TSHZ2: variants seen among roughly 807,000 people sequenced by gnomAD.
TSHZ2 encodes the protein teashirt homolog 2.
A neutral mutation model predicts 74.4 loss-of-function variants in TSHZ2; 21 were observed. That is an observed-to-expected ratio of 0.28 (90% CI 0.20 to 0.41). The LOEUF (loss-of-function observed/expected upper bound fraction) is 0.41. Among genes scored for constraint, TSHZ2 ranks in the 10% least tolerant of loss-of-function variants. TSHZ2 has a pLI of 1.00. For synonymous variants in TSHZ2, 540 were observed against 515.3 expected (o/e 1.05, Z -0.65); for missense variants, 1,244 against 1,293.5 (o/e 0.96, Z 0.59).
At chr20:53,142,975 T>C (rs1987443837) in intron 1 of TSHZ2, among the ~76,000 whole-genome samples, 1 of 152,188 alleles carries the variant, frequency 6.6e-6, no homozygotes. Flanking sequence ...CAGATCGCAT[T>C]GAGTAACTTT....
chr20:53,190,128 TATATATA>T (rs1988700918), intron 1 of TSHZ2, among the ~76,000 whole-genome samples: 2 of 100,926 alleles, frequency 2.0e-5, no homozygotes, highest in African/African-American at 3.8e-5. Flanking sequence ...TATATATATA[TATATATA>T]TATTTTCTTA....
intron 2 of TSHZ2, among the ~76,000 whole-genome samples, chr20:53,284,543 G>A (rs1488696418): frequency 3.9e-5 from 6 of 152,192 alleles, no homozygotes; most frequent in Non-Finnish European, 7.4e-5. Flanking sequence ...GGGATAATAC[G>A]CATTAACATA....
intron 1 of TSHZ2, among the ~76,000 whole-genome samples, chr20:53,089,971 AG>A (rs1325045441): frequency 3.3e-5 from 5 of 152,258 alleles, no homozygotes; most frequent in Non-Finnish European, 5.9e-5. Context: ...CTGCAAGCTG[AG>A]GAGCAAAGAA....
At chr20:53,222,888 C>T (rs1989595814) in intron 1 of TSHZ2, among the ~76,000 whole-genome samples, 1 of 152,166 alleles carries the variant, frequency 6.6e-6, no homozygotes, top group Non-Finnish European at 1.5e-5. Flanking sequence ...GAAATGTATC[C>T]TTTTTTTAGT....
intron 1 of TSHZ2, among the ~76,000 whole-genome samples, chr20:53,106,852 C>T (rs1229637790): frequency 6.6e-6 from 1 of 151,922 alleles, no homozygotes; most frequent in Non-Finnish European, 1.5e-5. Flanking sequence ...CATGCACCAC[C>T]ACGCCCAGCT....
At chr20:53,123,640 T>C (rs899491354) in intron 1 of TSHZ2, among the ~76,000 whole-genome samples, 16 of 152,098 alleles carry the variant, frequency 1.1e-4, no homozygotes, top group African/African-American at 3.9e-4. Context: ...GTAGACAACA[T>C]GGCACAGTCA....
chr20:53,118,053 A>G (rs920151867), intron 1 of TSHZ2, among the ~76,000 whole-genome samples: 1 of 152,200 alleles, frequency 6.6e-6, no homozygotes, highest in African/African-American at 2.4e-5. Flanking sequence ...TTGTACAGTG[A>G]TGGAATTTGC....
chr20:53,229,583 A>T (rs992004068), intron 1 of TSHZ2, among the ~76,000 whole-genome samples: 1 of 152,138 alleles, frequency 6.6e-6, no homozygotes, highest in African/African-American at 2.4e-5. Flanking sequence ...CCCAGTACAC[A>T]CGGTAGGGGC....
intron 2 of TSHZ2, among the ~76,000 whole-genome samples, chr20:53,337,897 GT>G: frequency 6.6e-6 from 1 of 152,352 alleles, no homozygotes; most frequent in Non-Finnish European, 1.5e-5. Context: ...TGTCATGTGA[GT>G]TGCTTAGTCA....
intron 1 of TSHZ2, among the ~76,000 whole-genome samples, chr20:52,999,289 T>C (rs1982322655): frequency 6.6e-6 from 1 of 152,092 alleles, no homozygotes; most frequent in Non-Finnish European, 1.5e-5. Context: ...CAGTAATGAG[T>C]AAGATCCATC....
At chr20:53,137,074 G>A (rs560735486) in intron 1 of TSHZ2, among the ~76,000 whole-genome samples, 64 of 152,104 alleles carry the variant, frequency 4.2e-4, no homozygotes, top group African/African-American at 1.5e-3. Context: ...ATGGCGCTTG[G>A]GTTCCGAAAA....
intron 1 of TSHZ2, among the ~76,000 whole-genome samples, chr20:53,226,209 TG>T (rs1387732043): frequency 6.6e-6 from 1 of 151,694 alleles, no homozygotes; most frequent in Non-Finnish European, 1.5e-5. Flanking sequence ...CCAGTGGCCA[TG>T]GGAGCTTTGG....
At chr20:53,030,744 A>T (rs933736012) in intron 1 of TSHZ2, among the ~76,000 whole-genome samples, 37 of 152,232 alleles carry the variant, frequency 2.4e-4, no homozygotes, top group Admixed American at 1.6e-3. Context: ...AGATATCACC[A>T]CTGGTAATAT....
In TSHZ2 at chr20:53,224,007, A is replaced by T. The variant is rs551725271; in HGVS notation, c.41-29492A>T. 5.9e-5 allele frequency among the ~76,000 whole-genome samples: 9 copies of T among 152,220 alleles called. No individual in the cohort carries two copies. The East Asian group carries it at 1.7e-3, about 29-fold the overall frequency. ...ATCAACATCTACTTCTTGGGGTGATATTGCACTTTGATTATGCAAGATGTT... is the reference window on the plus strand; with the variant it reads ...ATCAACATCTACTTCTTGGGGTGATTTTGCACTTTGATTATGCAAGATGTT... On this transcript the variant is annotated intron_variant, in intron 1 of 2. Coordinates refer to ENST00000371497, the MANE Select transcript of TSHZ2 (RefSeq NM_173485.6).
chr20:53,394,509 T>C (rs1398151519), intron 2 of TSHZ2, among the ~76,000 whole-genome samples: 4 of 152,254 alleles, frequency 2.6e-5, no homozygotes, highest in Middle Eastern at 6.8e-3. Context: ...CATGTGCAGT[T>C]ACTGTTCTGG....
At chr20:53,263,010 T>A (rs2123742691) in intron 2 of TSHZ2, among the ~76,000 whole-genome samples, 1 of 152,324 alleles carries the variant, frequency 6.6e-6, no homozygotes, top group African/African-American at 2.4e-5. Context: ...AAATAGTTGT[T>A]TGGTTTGGTT....
intron 1 of TSHZ2, among the ~76,000 whole-genome samples, chr20:53,102,274 T>G (rs953470036): frequency 6.6e-6 from 1 of 152,114 alleles, no homozygotes; most frequent in Non-Finnish European, 1.5e-5. Context: ...AGGAAAAAAG[T>G]GCCTGGGGCA....
intron 2 of TSHZ2, among the ~76,000 whole-genome samples, chr20:53,366,867 C>T (rs1174632275): frequency 6.6e-6 from 1 of 152,156 alleles, no homozygotes; most frequent in African/African-American, 2.4e-5. Context: ...AGGCAATTTG[C>T]ATGCATTATT....
At chr20:53,213,502 T>A (rs190557838) in intron 1 of TSHZ2, among the ~76,000 whole-genome samples, 102 of 152,166 alleles carry the variant, frequency 6.7e-4, no homozygotes, top group African/African-American at 2.4e-3. Flanking sequence ...AAAGTTTAAT[T>A]AATCAGTCAA....
Sources: gnomAD v4.1 joint callset for allele counts (sites outside exome capture counted in the v4.1 genomes callset) on GRCh38, gnomAD v4.1.1 for gene constraint, MANE v1.5 for transcripts, NCBI Gene and HGNC (gene_info 2026-07-23, HGNC 2026-07-21) for gene names.